The following ADAMTSL1 variants were observed in gnomAD, a reference collection of about 807,000 sequenced individuals.
The protein encoded by ADAMTSL1 is ADAMTS like 1, also known as ADAMTS-like protein 1.
ADAMTSL1 carries 126 observed loss-of-function variants against 201.8 expected under a neutral mutation model. That is an observed-to-expected ratio of 0.62 (90% CI 0.54 to 0.72). ADAMTSL1 has a LOEUF of 0.72. Among genes scored for constraint, ADAMTSL1 ranks in the 30% least tolerant of loss-of-function variants. ADAMTSL1 has a pLI of 0.00. For synonymous variants in ADAMTSL1, 1,121 were observed against 903.4 expected (o/e 1.24, Z -4.32); for missense variants, 2,679 against 2,277.8 (o/e 1.18, Z -3.59).
In ADAMTSL1 at chr9:18,888,105, A is replaced by T. The variant is rs540048150; in HGVS notation, c.4462+62A>T. Reference sequence around the variant, plus strand: ...ACAAGAAAGCCCACTTGGGAATCTAACTATCTAGCAGAACAAAGAGATTTC... The same window carrying T: ...ACAAGAAAGCCCACTTGGGAATCTATCTATCTAGCAGAACAAAGAGATTTC... On this transcript the variant is annotated intron_variant, in intron 24 of 28. Transcript: ENST00000380548. 8.5e-4 allele frequency: 1,283 copies of T among 1,512,990 alleles called. 1 individual carries two copies. Among genetic ancestry groups the T allele is most frequent in the Non-Finnish European group, 1.1e-3 (1,244 of 1,107,158 alleles). 93.7% of individuals were successfully genotyped at this position (1,512,990 alleles called of 1,614,324 possible).
intron 14 of ADAMTSL1, among the ~76,000 whole-genome samples, chr9:18,707,677 T>A (rs919470073): frequency 3.9e-5 from 6 of 152,230 alleles, no homozygotes; most frequent in African/African-American, 1.4e-4. Flanking sequence ...AAAGCTTTCC[T>A]TTCTCTGCCT....
chr9:18,777,641 G>C lies in ADAMTSL1; in HGVS notation c.3412G>C (p.Val1138Leu), dbSNP rs749388537. ...SPVTLSPHKH[V>L]SGFSSSLRTS... ...AGTGACTCTCTCGCCTCATAAACAC[G>C]TGTCTGGCTTCAGCAGCTCCCTGCG... is the stretch of plus-strand genomic sequence containing the variant. The change falls in exon 19 of 29, where the codon GTG becomes CTG. Residue 1138 changes from valine (V) to leucine (L), a missense_variant. Coordinates refer to ENST00000380548, the MANE Select transcript of ADAMTSL1 (RefSeq NM_001040272.6). 2 of 1,613,688 alleles carry C rather than the reference G, an allele frequency of 1.2e-6. No homozygotes were observed. The highest frequency in any genetic ancestry group is 8.5e-7 in the Non-Finnish European group (1 of 1,179,858).
At chr9:18,413,592 G>T (rs1587121968) in intron 2 of ADAMTSL1, among the ~76,000 whole-genome samples, 1 of 152,294 alleles carries the variant, frequency 6.6e-6, no homozygotes, top group East Asian at 1.9e-4. Context: ...AGCATTTTAG[G>T]TGTTTTCTAT....
chr9:18,849,494 C>T (rs16937142), intron 23 of ADAMTSL1, among the ~76,000 whole-genome samples: 25,047 of 152,092 alleles, frequency 0.16, 5,567 homozygotes, highest in African/African-American at 0.51. Context: ...CCTCTCTTAG[C>T]GGTGGGAACA....
chr9:18,125,325 C>A (rs1776013986), intron 1 of ADAMTSL1, among the ~76,000 whole-genome samples: 1 of 152,146 alleles, frequency 6.6e-6, no homozygotes, highest in Non-Finnish European at 1.5e-5. Flanking sequence ...AAGACCCACC[C>A]CCATAATTCA....
chr9:18,434,969 AC>A (rs1819660862), intron 2 of ADAMTSL1, among the ~76,000 whole-genome samples: 1 of 152,230 alleles, frequency 6.6e-6, no homozygotes, highest in South Asian at 2.1e-4. Flanking sequence ...GGCTTTGATC[AC>A]CACTGTATCC....
intron 1 of ADAMTSL1, among the ~76,000 whole-genome samples, chr9:17,992,595 G>A (rs765064199): frequency 2.0e-5 from 3 of 152,006 alleles, no homozygotes; most frequent in South Asian, 2.1e-4. Context: ...AGACCATCCC[G>A]GGAAAAGTAG....
At chr9:18,295,188 A>G (rs915547360) in intron 2 of ADAMTSL1, among the ~76,000 whole-genome samples, 4 of 152,156 alleles carry the variant, frequency 2.6e-5, no homozygotes, top group Non-Finnish European at 5.9e-5. Context: ...TGATGAGTTC[A>G]TTAATTGTGG....
At chr9:18,178,989 C>T (rs939104260) in intron 2 of ADAMTSL1, among the ~76,000 whole-genome samples, 13 of 152,092 alleles carry the variant, frequency 8.5e-5, no homozygotes, top group East Asian at 5.8e-4. Context: ...TCCAAAGGAA[C>T]GCAGTTCCTC....
intron 16 of ADAMTSL1, among the ~76,000 whole-genome samples, chr9:18,757,429 A>G (rs1183152150): frequency 6.6e-6 from 1 of 152,130 alleles, no homozygotes; most frequent in African/African-American, 2.4e-5. Context: ...CTATACCACA[A>G]TTTAGTCTGA....
At chr9:18,784,048 C>A (rs1482479172) in intron 19 of ADAMTSL1, among the ~76,000 whole-genome samples, 24 of 152,182 alleles carry the variant, frequency 1.6e-4, no homozygotes, top group African/African-American at 5.8e-4. Flanking sequence ...TCATCTCTTA[C>A]CATATCCTTG....
At chr9:18,270,488 T>A (rs7868061) in intron 2 of ADAMTSL1, among the ~76,000 whole-genome samples, 6,058 of 152,270 alleles carry the variant, frequency 0.04, 396 homozygotes, top group African/African-American at 0.14. Context: ...AGAAGCTGAA[T>A]CTTTGATAAG....
chr9:18,344,461 T>C (rs1486038653), intron 2 of ADAMTSL1, among the ~76,000 whole-genome samples: 1 of 152,172 alleles, frequency 6.6e-6, no homozygotes, highest in Non-Finnish European at 1.5e-5. Context: ...CTGGCCTTAA[T>C]TATTTTTAAT....
intron 11 of ADAMTSL1, chr9:18,681,069 C>A (rs1018749141): frequency 6.6e-6 from 1 of 152,664 alleles, no homozygotes; most frequent in South Asian, 2.1e-4. Context: ...CATAAAATGT[C>A]ATTCAGGGTT....
chr9:18,597,013 A>G (rs1824307399), intron 4 of ADAMTSL1, among the ~76,000 whole-genome samples: 1 of 152,186 alleles, frequency 6.6e-6, no homozygotes, highest in African/African-American at 2.4e-5. Context: ...ATGACCATAT[A>G]GCCAATTAGA....
At chr9:18,202,558 C>G (rs974699033) in intron 2 of ADAMTSL1, among the ~76,000 whole-genome samples, 1 of 152,200 alleles carries the variant, frequency 6.6e-6, no homozygotes, top group Non-Finnish European at 1.5e-5. Context: ...TCCCACACTT[C>G]TCTTCCAGCC....
upstream of ADAMTSL1, among the ~76,000 whole-genome samples, chr9:18,472,306 T>C (rs1291045013): frequency 1.3e-5 from 2 of 152,214 alleles, no homozygotes; most frequent in Non-Finnish European, 2.9e-5. Context: ...GTTAAGCATT[T>C]TTACATCTAC....
chr9:18,365,825 G>A (rs189847531), intron 2 of ADAMTSL1, among the ~76,000 whole-genome samples: 187 of 152,296 alleles, frequency 1.2e-3, no homozygotes, highest in Non-Finnish European at 2.1e-3. Context: ...CAGAATTACT[G>A]CCTGAGTTCC....
At chr9:18,904,080 T>C (rs1588356295) in intron 26 of ADAMTSL1, among the ~76,000 whole-genome samples, 1 of 152,256 alleles carries the variant, frequency 6.6e-6, no homozygotes, top group East Asian at 1.9e-4. Flanking sequence ...AGCTTACTCT[T>C]GCCTCGGCTT....
Sources: gnomAD v4.1 joint callset for allele counts (sites outside exome capture counted in the v4.1 genomes callset) on GRCh38, gnomAD v4.1.1 for gene constraint, MANE v1.5 for transcripts, NCBI Gene and HGNC (gene_info 2026-07-23, HGNC 2026-07-21) for gene names.